Variants in DCBLD1 observed in about 807,000 individuals in gnomAD.
DCBLD1 encodes discoidin, CUB and LCCL domain containing 1.
DCBLD1 carries 57 observed loss-of-function variants against 71.5 expected under a neutral mutation model. That is an observed-to-expected ratio of 0.80 (90% CI 0.64 to 0.99). The LOEUF (loss-of-function observed/expected upper bound fraction) is 0.99, where lower values mean the gene tolerates loss of function less well. DCBLD1 is among the 50% of genes least tolerant of loss of function. The pLI is 0.00. For synonymous variants in DCBLD1, 380 were observed against 363.8 expected (o/e 1.04, Z -0.51); for missense variants, 891 against 923.5 (o/e 0.96, Z 0.46).
chr6:117,517,788 G>T (rs1778252775), intron 2 of DCBLD1, among the ~76,000 whole-genome samples: 1 of 152,146 alleles, frequency 6.6e-6, no homozygotes, highest in African/African-American at 2.4e-5. Context: ...AGCTGGAGCA[G>T]CTGGGACACA....
At chr6:117,541,157 A>G (rs1190705278) in intron 11 of DCBLD1, 132 bp downstream of exon 11, 1 of 718,082 alleles carries the variant, frequency 1.4e-6, no homozygotes, top group Non-Finnish European at 2.3e-6. Flanking sequence ...GTATTGGCAC[A>G]TATGTAAAAT....
Position 117,544,623 on chromosome 6 carries a change from G to A in DCBLD1, c.1495+46G>A, listed in dbSNP as rs1226320924. The A allele has an allele frequency of 5.0e-6, 8 of 1,604,592 alleles. No homozygotes were observed. The Admixed American group carries it at 1.2e-4, about 24-fold the overall frequency. ...ACAATTTTATCTGTCTTTGAGGAAG[G>A]GACAGGATCTGCTGATTGAAAGCAT... On this transcript the variant is annotated intron_variant, in intron 13 of 14. Coordinates refer to ENST00000338728, the MANE Select transcript of DCBLD1 (RefSeq NM_001366458.2).
At chr6:117,536,430 C>T (rs1778883568) in intron 6 of DCBLD1, among the ~76,000 whole-genome samples, 1 of 152,202 alleles carries the variant, frequency 6.6e-6, no homozygotes, top group African/African-American at 2.4e-5. Context: ...TAGATAAGGA[C>T]ATTCCTGTGG....
chr6:117,519,431 C>G (rs180942737), intron 2 of DCBLD1, among the ~76,000 whole-genome samples: 1 of 152,024 alleles, frequency 6.6e-6, no homozygotes, highest in Non-Finnish European at 1.5e-5. Flanking sequence ...AAAACTTCCC[C>G]GAAAAAATGA....
At chr6:117,513,358 T>A (rs1445146337) in intron 2 of DCBLD1, among the ~76,000 whole-genome samples, 1 of 152,152 alleles carries the variant, frequency 6.6e-6, no homozygotes, top group Non-Finnish European at 1.5e-5. Context: ...GGCCCTTTAT[T>A]CCCTTTGTCC....
intron 5 of DCBLD1, 56 bp downstream of exon 5, chr6:117,525,490 C>T (rs1344304767): frequency 2.4e-5 from 31 of 1,292,640 alleles, no homozygotes; most frequent in Non-Finnish European, 2.5e-5. Flanking sequence ...GTGCTTTACT[C>T]TGCCTAAATT....
At position 117,539,301 on chromosome 6, in the gene DCBLD1, T is replaced by G. The variant is rs748076563; in HGVS notation, c.1023T>G (p.Val341=). Reference sequence around the variant, plus strand: ...CACAGTCGAACTTCAACTTTTATGTTAAGAGTTTTGTGATGAACTTCAAAA... The same window carrying G: ...CACAGTCGAACTTCAACTTTTATGTGAAGAGTTTTGTGATGAACTTCAAAA... ...GSTQSNFNFY[V]KSFVMNFKNN... The change falls in exon 9 of 15, where the codon GTT becomes GTG. Residue 341 remains valine, a synonymous_variant. Coordinates refer to ENST00000338728, the MANE Select transcript of DCBLD1 (RefSeq NM_001366458.2). 4 of 1,607,982 alleles carry G rather than the reference T, an allele frequency of 2.5e-6. No homozygotes were observed. In the Admixed American group the frequency reaches 6.9e-5, roughly 28 times the overall value.
rs2114577438 is a variant in DCBLD1, at chr6:117,548,104, G to GT, written c.1814dup (p.Glu606GlyfsTer77). The GT allele has an allele frequency of 6.5e-7, 1 of 1,549,602 alleles. No individual in the cohort carries two copies. Among genetic ancestry groups the GT allele is most frequent in the Non-Finnish European group, 8.7e-7 (1 of 1,146,470 alleles). ...GGAGCCCGAGTACGCCACGCCCATC[G>GT]TGGAGCGGCACGTGCTGCGCGCCCA... On this transcript the variant is annotated frameshift_variant, in exon 15 of 15. Coordinates refer to ENST00000338728, the MANE Select transcript of DCBLD1 (RefSeq NM_001366458.2). LOFTEE classifies it low-confidence loss of function (END_TRUNC).
intron 9 of DCBLD1, chr6:117,539,617 G>T (rs1779021296): frequency 3.2e-6 from 1 of 314,604 alleles, no homozygotes; most frequent in African/African-American, 2.2e-5. Context: ...ACCCAAATGT[G>T]GTGGTGCACA....
chr6:117,517,606 T>C (rs1168297026), intron 2 of DCBLD1, among the ~76,000 whole-genome samples: 1 of 152,220 alleles, frequency 6.6e-6, no homozygotes, highest in Non-Finnish European at 1.5e-5. Context: ...AACATCTGCC[T>C]GGGCATCCAG....
At chr6:117,490,893 T>A (rs1777270065) in intron 1 of DCBLD1, among the ~76,000 whole-genome samples, 2 of 152,214 alleles carry the variant, frequency 1.3e-5, no homozygotes, top group Non-Finnish European at 2.9e-5. Flanking sequence ...GTGATTGTGC[T>A]TAAAGGTTGA....
intron 14 of DCBLD1, among the ~76,000 whole-genome samples, chr6:117,558,916 G>C: frequency 6.6e-6 from 1 of 152,152 alleles, no homozygotes; most frequent in East Asian, 1.9e-4. Flanking sequence ...GGGGATAATG[G>C]GAATACTCCT....
At chr6:117,490,698 AAGTT>A (rs1777261390) in intron 1 of DCBLD1, among the ~76,000 whole-genome samples, 1 of 149,684 alleles carries the variant, frequency 6.7e-6, no homozygotes, top group Non-Finnish European at 1.5e-5. Flanking sequence ...ATTGAGACCC[AAGTT>A]AGTTTTTATA....
chr6:117,537,533 CAA>C (rs201862651), intron 7 of DCBLD1, among the ~76,000 whole-genome samples: 10 of 92,562 alleles, frequency 1.1e-4, no homozygotes, highest in Admixed American at 2.3e-4. Flanking sequence ...GACTCCATCT[CAA>C]AAAAAAAAAA....
At chr6:117,563,484 G>A in intron 14 of DCBLD1, 1 of 1,095,362 alleles carries the variant, frequency 9.1e-7, no homozygotes, top group South Asian at 1.4e-5. Flanking sequence ...CACTTTGAGA[G>A]GCCAAGGTGG....
intron 2 of DCBLD1, among the ~76,000 whole-genome samples, chr6:117,512,752 C>T (rs183875366): frequency 1.2e-4 from 19 of 152,052 alleles, no homozygotes; most frequent in Admixed American, 1.1e-3. Flanking sequence ...AGATGATGCT[C>T]CAGAAGGTTA....
intron 1 of DCBLD1, among the ~76,000 whole-genome samples, chr6:117,499,666 A>T (rs1445118919): frequency 6.6e-6 from 1 of 152,164 alleles, no homozygotes; most frequent in Non-Finnish European, 1.5e-5. Context: ...ATCTTTGCAA[A>T]CTACAATACC....
intron 14 of DCBLD1, among the ~76,000 whole-genome samples, chr6:117,546,693 C>G (rs1291881512): frequency 6.6e-6 from 1 of 152,252 alleles, no homozygotes; most frequent in South Asian, 2.1e-4. Flanking sequence ...GTCTCACCCC[C>G]ACTCACCACA....
At position 117,548,663 on chromosome 6, in the gene DCBLD1, T is replaced by C. The variant is rs1351441061; in HGVS notation, c.*224T>C. On this transcript the variant is annotated 3_prime_UTR_variant, in exon 15 of 15. Transcript: ENST00000338728. Reference sequence around the variant, plus strand: ...CTTAGGGTGCGTCTGTTGGGTTTTGTTGGGCTAGAAAAATGAAAATTTTCA... The same window carrying C: ...CTTAGGGTGCGTCTGTTGGGTTTTGCTGGGCTAGAAAAATGAAAATTTTCA... 2 of 1,418,004 alleles carry C rather than the reference T, an allele frequency of 1.4e-6. No homozygotes were observed. Among genetic ancestry groups the C allele is most frequent in the Non-Finnish European group, 9.2e-7 (1 of 1,092,750 alleles). 87.8% of individuals were successfully genotyped at this position (1,418,004 alleles called of 1,614,324 possible). A position where few individuals can be genotyped will look rare whatever the true frequency, so the allele number is the denominator to read the frequency against.
Sources: gnomAD v4.1 joint callset for allele counts (sites outside exome capture counted in the v4.1 genomes callset) on GRCh38, gnomAD v4.1.1 for gene constraint, MANE v1.5 for transcripts, NCBI Gene and HGNC (gene_info 2026-07-23, HGNC 2026-07-21) for gene names.